PCDH11X: variants seen among roughly 807,000 people sequenced by gnomAD.
The protein encoded by PCDH11X is protocadherin-11 X-linked.
In PCDH11X, 18 loss-of-function variants were observed where a neutral mutation model predicts 53.3. That is an observed-to-expected ratio of 0.34 (90% CI 0.23 to 0.50). The LOEUF (loss-of-function observed/expected upper bound fraction) is 0.50, where lower values mean the gene tolerates loss of function less well. PCDH11X is among the 20% of genes least tolerant of loss of function. The probability of loss-of-function intolerance (pLI) is 0.98; values close to 1 mark genes in which losing one functional copy is unlikely to be tolerated. For missense variants in PCDH11X, 570 were observed against 1,032.4 expected (o/e 0.55, Z 6.14); for synonymous variants, 279 against 393.3 (o/e 0.71, Z 3.44).
chrX:92,208,117 C>A (rs973545848), intron 7 of PCDH11X, among the ~76,000 whole-genome samples: 3 of 106,134 alleles, frequency 2.8e-5, no homozygotes, highest in Admixed American at 2.1e-4. Context: ...ATCACTTGAA[C>A]CCGGGTGGCA....
chrX:91,870,160 A>G (rs1321785984), intron 5 of PCDH11X, among the ~76,000 whole-genome samples: 3 of 111,696 alleles, frequency 2.7e-5, no homozygotes, highest in Non-Finnish European at 5.7e-5. Context: ...CGTGGATATA[A>G]CAACCCTGAT....
At chrX:91,958,274 T>C (rs972690886) in intron 6 of PCDH11X, among the ~76,000 whole-genome samples, 7 of 111,796 alleles carry the variant, frequency 6.3e-5, no homozygotes, top group African/African-American at 2.3e-4. Flanking sequence ...TAACAGGAAG[T>C]GGGGCACACA....
chrX:91,796,872 G>A (rs1388071939), intron 1 of PCDH11X, among the ~76,000 whole-genome samples: 4 of 111,623 alleles, frequency 3.6e-5, no homozygotes, highest in Non-Finnish European at 7.5e-5. Flanking sequence ...TACAAAGACA[G>A]TAAATGGCCC....
intron 9 of PCDH11X, among the ~76,000 whole-genome samples, chrX:92,466,463 G>GATAT (rs773066490): frequency 9.3e-6 from 1 of 107,406 alleles, no homozygotes; most frequent in African/African-American, 3.4e-5. Flanking sequence ...GATATATATA[G>GATAT]ATATATATAT....
intron 1 of PCDH11X, among the ~76,000 whole-genome samples, chrX:91,782,647 A>G (rs1935189931): frequency 9.3e-6 from 1 of 107,812 alleles, no homozygotes; most frequent in African/African-American, 3.4e-5. Context: ...CCCTTCACAG[A>G]AAGAAGAAAC....
intron 6 of PCDH11X, among the ~76,000 whole-genome samples, chrX:92,154,778 C>T (rs1449249998): frequency 9.7e-6 from 1 of 102,832 alleles, no homozygotes; most frequent in East Asian, 3.2e-4. Context: ...GTCCGGTCAC[C>T]GAGCGGCCCG....
At position 92,445,418 on chromosome X, in the gene PCDH11X, A is replaced by G. The variant is rs775739850; in HGVS notation, c.3344-22881A>G. On this transcript the variant is annotated intron_variant, in intron 9 of 10. Coordinates refer to ENST00000682573, the MANE Select transcript of PCDH11X (RefSeq NM_032968.5). The stretch of plus-strand genomic sequence containing the variant: ...ACGTATATTTCTGTGAGGAGATCTT[A>G]TATTTTAAAATACTACAACTTGCTT... Among the ~76,000 whole-genome samples the G allele has an allele frequency of 3.9e-5, 4 of 102,739 alleles. No individual in the cohort carries two copies. In the East Asian group the frequency reaches 1.2e-3, roughly 32 times the overall value. The allele number at this position is 102,739 out of a possible 115,157, so 89.2% of individuals were successfully genotyped here. A position where few individuals can be genotyped will look rare whatever the true frequency, so the allele number is the denominator to read the frequency against.
At chrX:92,401,481 TA>T (rs2071386886) in intron 9 of PCDH11X, among the ~76,000 whole-genome samples, 1 of 111,378 alleles carries the variant, frequency 9.0e-6, no homozygotes, top group African/African-American at 3.3e-5. Context: ...ATTTTAAGAA[TA>T]TTTTTATAAT....
At chrX:92,148,450 A>G (rs1468340692) in intron 6 of PCDH11X, among the ~76,000 whole-genome samples, 3 of 105,230 alleles carry the variant, frequency 2.9e-5, no homozygotes, top group Non-Finnish European at 5.8e-5. Flanking sequence ...CTGGTCTCCA[A>G]CTCTTGAACT....
At chrX:92,165,971 G>A (rs1429552704) in intron 6 of PCDH11X, among the ~76,000 whole-genome samples, 3 of 111,090 alleles carry the variant, frequency 2.7e-5, no homozygotes, top group Non-Finnish European at 5.7e-5. Context: ...GTTTCCACAG[G>A]TTAACTCTAG....
At chrX:91,903,327 C>T (rs993221476) in intron 6 of PCDH11X, among the ~76,000 whole-genome samples, 5 of 111,396 alleles carry the variant, frequency 4.5e-5, no homozygotes, top group African/African-American at 1.6e-4. Context: ...TTGCAAATCT[C>T]ATCATCCCAC....
intron 6 of PCDH11X, among the ~76,000 whole-genome samples, chrX:92,072,575 A>G (rs2063719263): frequency 9.0e-6 from 1 of 111,580 alleles, no homozygotes; most frequent in South Asian, 3.8e-4. Context: ...GGATGTGTCT[A>G]GAAATACCAT....
At chrX:92,494,145 C>A (rs191824531) in intron 10 of PCDH11X, among the ~76,000 whole-genome samples, 1 of 110,509 alleles carries the variant, frequency 9.0e-6, no homozygotes, top group Admixed American at 9.8e-5. Flanking sequence ...GAGATCCTCA[C>A]CCTGAACTCA....
At position 91,924,366 on chromosome X, in the gene PCDH11X, T is replaced by C. The variant is rs1941858924; in HGVS notation, c.3033+45093T>C. On this transcript the variant is annotated intron_variant, in intron 6 of 10. Transcript: ENST00000682573. ...AGGAATGTGAGTAGTCTCTAGAAAC[T>C]GGAAATGGATTCTTCCTTAGAAAGA... 2.7e-5 allele frequency among the ~76,000 whole-genome samples: 3 copies of C among 111,009 alleles called. No individual in the cohort carries two copies. The South Asian group carries it at 1.2e-3, about 43-fold the overall frequency.
Position 92,610,031 on chromosome X carries a change from A to G in PCDH11X, c.3368-8233A>G, listed in dbSNP as rs780180929. Among the ~76,000 whole-genome samples, 34 of 111,920 alleles carry G rather than the reference A, an allele frequency of 3.0e-4. No homozygotes were observed. The Middle Eastern group carries it at 0.014, about 46-fold the overall frequency. On this transcript the variant is annotated intron_variant, in intron 10 of 10. Coordinates refer to ENST00000682573, the MANE Select transcript of PCDH11X (RefSeq NM_032968.5). ...CCTAGGTTGACTCCATGTCTTTGCT[A>G]TTGTGAACAGTGCTGTGTCAACATG...
chrX:92,398,757 T>A (rs1412327099), intron 9 of PCDH11X, among the ~76,000 whole-genome samples: 1 of 111,189 alleles, frequency 9.0e-6, no homozygotes, highest in Non-Finnish European at 1.9e-5. Flanking sequence ...TAGTATGACA[T>A]TTGACAAGAC....
chrX:92,067,743 C>G (rs370838144), intron 6 of PCDH11X, among the ~76,000 whole-genome samples: 2 of 111,425 alleles, frequency 1.8e-5, no homozygotes, highest in East Asian at 5.7e-4. Flanking sequence ...TTGGTACTAG[C>G]TCTTCTTTAA....
At chrX:92,233,603 T>C (rs757757377) in intron 7 of PCDH11X, among the ~76,000 whole-genome samples, 23 of 112,132 alleles carry the variant, frequency 2.1e-4, no homozygotes, top group Non-Finnish European at 4.3e-4. Context: ...AAAGTGGACA[T>C]GCATTGTGTG....
intron 6 of PCDH11X, among the ~76,000 whole-genome samples, chrX:91,884,712 C>A (rs1282139496): frequency 9.0e-6 from 1 of 111,491 alleles, no homozygotes; most frequent in Non-Finnish European, 1.9e-5. Flanking sequence ...GACTTACTAA[C>A]AGTACTAACA....
Sources: gnomAD v4.1 joint callset for allele counts (sites outside exome capture counted in the v4.1 genomes callset) on GRCh38, gnomAD v4.1.1 for gene constraint, MANE v1.5 for transcripts, NCBI Gene and HGNC (gene_info 2026-07-23, HGNC 2026-07-21) for gene names.